TACR3: variants seen among roughly 807,000 people sequenced by gnomAD.
TACR3 encodes the protein tachykinin receptor 3, also known as neuromedin-K receptor.
Under a neutral mutation model 35.0 loss-of-function variants are expected in TACR3, and 34 were observed. The observed-to-expected ratio is 0.97, with a 90% confidence interval of 0.74 to 1.30. The LOEUF is 1.30. Ranked by LOEUF, TACR3 falls within the 50% of genes most tolerant of loss-of-function variation. The probability of loss-of-function intolerance (pLI) is 0.00; values close to 1 mark genes in which losing one functional copy is unlikely to be tolerated. For synonymous variants in TACR3, 233 were observed against 221.1 expected (o/e 1.05, Z -0.48); for missense variants, 558 against 591.7 (o/e 0.94, Z 0.59).
At chr4:103,602,532 A>T (rs915052199) in intron 3 of TACR3, among the ~76,000 whole-genome samples, 2 of 149,538 alleles carry the variant, frequency 1.3e-5, no homozygotes, top group African/African-American at 4.9e-5. Context: ...TCCACCTTTG[A>T]TCTTTGATGA....
chr4:103,689,259 G>T (rs1340414200), intron 1 of TACR3, among the ~76,000 whole-genome samples: 3 of 130,522 alleles, frequency 2.3e-5, no homozygotes, highest in African/African-American at 8.9e-5. Flanking sequence ...GTGGGGTCGG[G>T]GGAGGGGGGC....
chr4:103,711,941 T>A (rs1434297281), intron 1 of TACR3, among the ~76,000 whole-genome samples: 2 of 152,136 alleles, frequency 1.3e-5, no homozygotes, highest in African/African-American at 2.4e-5. Flanking sequence ...TTACAAGGGA[T>A]GTGAAGGACC....
At chr4:103,594,428 C>T (rs536985555) in intron 3 of TACR3, among the ~76,000 whole-genome samples, 42 of 152,254 alleles carry the variant, frequency 2.8e-4, no homozygotes, top group African/African-American at 9.6e-4. Context: ...CCACCCACCT[C>T]GGCCTCCCAA....
chr4:103,616,442 A>G (rs1724663919), intron 3 of TACR3, among the ~76,000 whole-genome samples: 2 of 152,306 alleles, frequency 1.3e-5, no homozygotes, highest in South Asian at 4.1e-4. Context: ...ACACATATAC[A>G]TTATACTTGT....
rs927376001 is a variant in TACR3, at chr4:103,594,700, A to C, written c.889-3017T>G. Among the ~76,000 whole-genome samples the C allele has an allele frequency of 5.0e-4, 76 of 152,190 alleles. 1 individual carries two copies. Among genetic ancestry groups the C allele is most frequent in the African/African-American group, 1.7e-3 (70 of 41,454 alleles). ...ATAAATTTCAATTTTCATAGTGCAA[A>C]AAGTTCAGAAAAACATGCAAAAATT... On this transcript the variant is annotated intron_variant, in intron 3 of 4. Transcript: ENST00000304883.
chr4:103,639,224 C>T (rs1006743592), intron 3 of TACR3, among the ~76,000 whole-genome samples: 2 of 151,552 alleles, frequency 1.3e-5, no homozygotes, highest in Non-Finnish European at 2.9e-5. Flanking sequence ...GATTAAGAAA[C>T]TGTGGCACAT....
At chr4:103,644,863 G>A (rs142593299) in intron 3 of TACR3, among the ~76,000 whole-genome samples, 90 of 151,856 alleles carry the variant, frequency 5.9e-4, no homozygotes, top group African/African-American at 2.0e-3. Flanking sequence ...AAGTGGAAAT[G>A]TGTCCTGAAA....
intron 3 of TACR3, among the ~76,000 whole-genome samples, chr4:103,621,658 T>G (rs1193696426): frequency 6.6e-6 from 1 of 152,200 alleles, no homozygotes; most frequent in Non-Finnish European, 1.5e-5. Context: ...AGTTATAGAT[T>G]ATTTCCAGAT....
intron 1 of TACR3, among the ~76,000 whole-genome samples, chr4:103,703,272 T>C (rs1722703635): frequency 6.6e-6 from 1 of 152,188 alleles, no homozygotes; most frequent in Admixed American, 6.5e-5. Context: ...CCATTGTAAG[T>C]GTACAGTTCA....
chr4:103,595,977 A>C (rs181425710), intron 3 of TACR3, among the ~76,000 whole-genome samples: 1 of 143,074 alleles, frequency 7.0e-6, no homozygotes, highest in African/African-American at 2.6e-5. Flanking sequence ...TTCAATACCC[A>C]CCTATGAGTG....
At chr4:103,592,368 A>G (rs1451690327) in intron 3 of TACR3, among the ~76,000 whole-genome samples, 1 of 152,210 alleles carries the variant, frequency 6.6e-6, no homozygotes, top group African/African-American at 2.4e-5. Flanking sequence ...TTTGGTAAGC[A>G]TAAGCCATTT....
chr4:103,605,206 G>T (rs1225846915), intron 3 of TACR3, among the ~76,000 whole-genome samples: 210 of 141,654 alleles, frequency 1.5e-3, no homozygotes, highest in African/African-American at 4.6e-3. Context: ...ATGTGCCACA[G>T]TTTCTTAATC....
At chr4:103,662,469 C>T (rs970037725) in intron 1 of TACR3, among the ~76,000 whole-genome samples, 1 of 152,250 alleles carries the variant, frequency 6.6e-6, no homozygotes, top group East Asian at 1.9e-4. Flanking sequence ...ATCTGCCTGC[C>T]TCAGCCTCCC....
chr4:103,703,597 G>T (rs972977001), intron 1 of TACR3, among the ~76,000 whole-genome samples: 8 of 152,124 alleles, frequency 5.3e-5, no homozygotes, highest in African/African-American at 1.9e-4. Context: ...TAATGAAGTG[G>T]TGGAGCTGCA....
At chr4:103,693,335 T>G (rs1396481107) in intron 1 of TACR3, among the ~76,000 whole-genome samples, 5 of 152,198 alleles carry the variant, frequency 3.3e-5, no homozygotes, top group African/African-American at 1.2e-4. Context: ...ATCTTTATTT[T>G]TTATGGGCAG....
At chr4:103,647,087 T>G (rs565765472) in intron 3 of TACR3, among the ~76,000 whole-genome samples, 113 of 152,036 alleles carry the variant, frequency 7.4e-4, no homozygotes, top group Non-Finnish European at 1.4e-3. Flanking sequence ...TTATCAGATC[T>G]ATCATTCTAG....
At chr4:103,631,906 T>C (rs1725075131) in intron 3 of TACR3, among the ~76,000 whole-genome samples, 1 of 152,190 alleles carries the variant, frequency 6.6e-6, no homozygotes, top group East Asian at 1.9e-4. Context: ...TCTAACCAAG[T>C]ATCATTTCAA....
At chr4:103,600,613 C>T (rs773056572) in intron 3 of TACR3, among the ~76,000 whole-genome samples, 1 of 152,140 alleles carries the variant, frequency 6.6e-6, no homozygotes, top group Non-Finnish European at 1.5e-5. Context: ...ATAAATTTCC[C>T]TCTGCACACT....
In TACR3 at chr4:103,710,391, G is replaced by A. The variant is rs7672670; in HGVS notation, c.548+8737C>T. On this transcript the variant is annotated intron_variant, in intron 1 of 4. Coordinates refer to ENST00000304883, the MANE Select transcript of TACR3 (RefSeq NM_001059.3). ...CTCAAGTGCATGGAAACTGAACAAC[G>A]TGCTCCTGAATGACTACTGGGTAAA... is the stretch of plus-strand genomic sequence containing the variant. 1.2e-4 allele frequency among the ~76,000 whole-genome samples: 18 copies of A among 152,038 alleles called. No homozygotes were observed. The East Asian group carries it at 2.7e-3, about 23-fold the overall frequency.
Sources: allele counts gnomAD v4.1 joint callset (sites outside exome capture counted in the v4.1 genomes callset), GRCh38; gene constraint gnomAD v4.1.1; transcripts MANE v1.5; gene names NCBI Gene and HGNC (gene_info 2026-07-23, HGNC 2026-07-21).